Variants in VTCN1 observed in about 807,000 individuals in gnomAD.
VTCN1 encodes the protein V-set domain-containing T-cell activation inhibitor 1.
VTCN1 carries 26 observed loss-of-function variants against 26.5 expected under a neutral mutation model. The observed-to-expected ratio is 0.98, with a 90% confidence interval of 0.72 to 1.36. The LOEUF (loss-of-function observed/expected upper bound fraction) is 1.36. VTCN1 is among the 40% of genes most tolerant of loss of function. The pLI, the probability that VTCN1 is intolerant of heterozygous loss-of-function variation, is 0.00. For missense variants in VTCN1, 298 were observed against 337.7 expected, an observed-to-expected ratio of 0.88 and a Z score of 0.92; for synonymous variants, 116 against 130.7, an observed-to-expected ratio of 0.89 and a Z score of 0.77.
chr1:117,188,579 G>A (rs1434539596), intron 1 of VTCN1, among the ~76,000 whole-genome samples: 4 of 152,200 alleles, frequency 2.6e-5, no homozygotes, highest in African/African-American at 9.7e-5. Context: ...TGGTCATGCT[G>A]AATCAATTCA....
At chr1:117,158,566 C>T (rs1652209549) in intron 2 of VTCN1, among the ~76,000 whole-genome samples, 1 of 152,184 alleles carries the variant, frequency 6.6e-6, no homozygotes, top group Admixed American at 6.5e-5. Flanking sequence ...CCTAGGACCC[C>T]AGGCCTGTGA....
chr1:117,201,577 C>T (rs759491484), intron 1 of VTCN1, among the ~76,000 whole-genome samples: 34 of 152,210 alleles, frequency 2.2e-4, no homozygotes, highest in Non-Finnish European at 4.6e-4. Context: ...TCCTTGCATA[C>T]TGTCCTTCTG....
intron 1 of VTCN1, among the ~76,000 whole-genome samples, chr1:117,205,361 C>T (rs1488108442): frequency 1.3e-5 from 2 of 151,912 alleles, no homozygotes; most frequent in East Asian, 1.9e-4. Context: ...CACCATGTTA[C>T]CCAGGCTTGT....
chr1:117,206,764 A>G (rs1649094433), intron 1 of VTCN1, among the ~76,000 whole-genome samples: 1 of 152,226 alleles, frequency 6.6e-6, no homozygotes, highest in South Asian at 2.1e-4. Flanking sequence ...TGAGCTGAAT[A>G]TTGAAAGAAA....
intron 1 of VTCN1, among the ~76,000 whole-genome samples, chr1:117,187,118 C>T (rs2101569801): frequency 6.6e-6 from 1 of 151,908 alleles, no homozygotes; most frequent in East Asian, 1.9e-4. Context: ...GAAACCCTGC[C>T]TCAGCAACAA....
intron 1 of VTCN1, among the ~76,000 whole-genome samples, chr1:117,209,298 A>G (rs1219801207): frequency 6.6e-6 from 1 of 152,194 alleles, no homozygotes; most frequent in Non-Finnish European, 1.5e-5. Context: ...GAGCCCACAC[A>G]TCCCATCTGA....
At chr1:117,204,363 C>A (rs530615460) in intron 1 of VTCN1, among the ~76,000 whole-genome samples, 2 of 152,168 alleles carry the variant, frequency 1.3e-5, no homozygotes, top group East Asian at 1.9e-4. Flanking sequence ...TTGAGGTCAC[C>A]CAGCTAGGAA....
chr1:117,189,153 T>C (rs1648111605), intron 1 of VTCN1, among the ~76,000 whole-genome samples: 1 of 152,196 alleles, frequency 6.6e-6, no homozygotes, highest in Admixed American at 6.5e-5. Flanking sequence ...ACTTCTACCC[T>C]TCTTATCAGT....
intron 1 of VTCN1, among the ~76,000 whole-genome samples, chr1:117,196,260 C>T (rs570848806): frequency 2.0e-5 from 3 of 151,978 alleles, no homozygotes; most frequent in South Asian, 2.1e-4. Flanking sequence ...TCATCATTAG[C>T]GGCAATACTA....
intron 1 of VTCN1, among the ~76,000 whole-genome samples, chr1:117,185,225 C>A (rs374935765): frequency 6.6e-6 from 1 of 152,112 alleles, no homozygotes. Flanking sequence ...AGGTTTCTTC[C>A]TGAGAAACCC....
intron 1 of VTCN1, among the ~76,000 whole-genome samples, chr1:117,198,733 C>T (rs1403422049): frequency 2.0e-5 from 3 of 152,122 alleles, no homozygotes; most frequent in African/African-American, 4.8e-5. Context: ...AACAATGAGA[C>T]GGCAGTCAAA....
In VTCN1 at chr1:117,161,164, A is replaced by G. The variant is rs1314002631; in HGVS notation, c.98-4243T>C. On this transcript the variant is annotated intron_variant, in intron 2 of 5. Transcript: ENST00000369458. The surrounding 1 kb of genome is among the most constrained non-coding windows in gnomAD (Gnocchi z 4.3). Reference sequence around the variant, plus strand: ...ACACACCTCCATTCCCTGCATTGGTATTTTCTTGAACATTGATTTAAAGAT... The same window carrying G: ...ACACACCTCCATTCCCTGCATTGGTGTTTTCTTGAACATTGATTTAAAGAT... Among the ~76,000 whole-genome samples the G allele has an allele frequency of 3.3e-5, 5 of 152,156 alleles. No individual in the cohort carries two copies. The highest frequency in any genetic ancestry group is 1.2e-4 in the African/African-American group (5 of 41,428).
chr1:117,150,323 A>G (rs1419335164), intron 4 of VTCN1, among the ~76,000 whole-genome samples: 1 of 152,250 alleles, frequency 6.6e-6, no homozygotes, highest in Non-Finnish European at 1.5e-5. Context: ...GTCTTGCCAT[A>G]TGGACTAAAA....
rs1652088042 is a variant in VTCN1, at chr1:117,156,702, T to A, written c.317A>T (p.Asp106Val). 2 of 1,614,194 alleles carry A rather than the reference T, an allele frequency of 1.2e-6. No individual in the cohort carries two copies. Among genetic ancestry groups the A allele is most frequent in the East Asian group, 4.5e-5 (2 of 44,882 alleles). The change falls in exon 3 of 6, where the codon GAT becomes GTT. Residue 106 changes from aspartate to valine, a missense_variant. Coordinates refer to ENST00000369458, the MANE Select transcript of VTCN1 (RefSeq NM_024626.4). The part of the protein sequence containing the change: ...MFRGRTAVFA[D>V]QVIVGNASLR... ...AGAGGCATTGCCAACTATCACTTGA[T>A]CAGCAAACACTGCTGTCCGGCCTCT...
chr1:117,199,979 A>G (rs551040710), intron 1 of VTCN1, among the ~76,000 whole-genome samples: 76 of 152,340 alleles, frequency 5.0e-4, no homozygotes, highest in African/African-American at 1.8e-3. Flanking sequence ...ATTTTGTTTT[A>G]ATGCAAAAAG....
At chr1:117,192,349 G>A (rs1222403406) in intron 1 of VTCN1, among the ~76,000 whole-genome samples, 1 of 152,072 alleles carries the variant, frequency 6.6e-6, no homozygotes, top group Non-Finnish European at 1.5e-5. Context: ...AACAAAAGCT[G>A]AGAGATTTCA....
chr1:117,184,378 T>C (rs1035164713), intron 1 of VTCN1, among the ~76,000 whole-genome samples: 4 of 152,084 alleles, frequency 2.6e-5, no homozygotes, highest in Admixed American at 2.6e-4. Flanking sequence ...AACCTGTCTC[T>C]GCCATCCCTG....
At chr1:117,187,062 G>T (rs796744164) in intron 1 of VTCN1, among the ~76,000 whole-genome samples, 1 of 151,942 alleles carries the variant, frequency 6.6e-6, no homozygotes, top group East Asian at 1.9e-4. Context: ...CAAGGCAGGT[G>T]GATTGCTTGA....
rs558523788 is a variant in VTCN1 at position 117,156,868 on chromosome 1, C to G, written c.151G>C (p.Asp51His). 23 of 1,614,050 alleles carry G rather than the reference C, an allele frequency of 1.4e-5. 1 individual carries two copies. In the South Asian group the frequency reaches 2.5e-4, roughly 18 times the overall value. The change falls in exon 3 of 6, where the codon GAT becomes CAT. Residue 51 changes from aspartate to histidine, a missense_variant. Transcript: ENST00000369458. ...TCAAAAGTGCAGCTCAGGATTCCAT[C>G]CTCCCCAATGTTCCCAGCTGAGGCG... ...TVASAGNIGE[D>H]GILSCTFEPD...
Sources: gnomAD v4.1 joint callset for allele counts (sites outside exome capture counted in the v4.1 genomes callset) on GRCh38, gnomAD v4.1.1 for gene constraint, Gnocchi (gnomAD v3.1) non-coding constraint, MANE v1.5 for transcripts, NCBI Gene and HGNC (gene_info 2026-07-23, HGNC 2026-07-21) for gene names.